The following STAP1 variants were observed in gnomAD, a reference collection of about 807,000 sequenced individuals.
STAP1 encodes the protein signal transducing adaptor family member 1.
STAP1 carries 30 observed loss-of-function variants against 37.8 expected under a neutral mutation model. The ratio of observed to expected loss-of-function variants is 0.79; its 90% confidence interval spans 0.59 to 1.08. The LOEUF (loss-of-function observed/expected upper bound fraction) is 1.08. Among genes scored for constraint, STAP1 ranks in the 50% least tolerant of loss-of-function variants. The probability of loss-of-function intolerance (pLI) is 0.00; values close to 1 mark genes in which losing one functional copy is unlikely to be tolerated. For synonymous variants in STAP1, 130 were observed against 116.0 expected (o/e 1.12, Z -0.78); for missense variants, 357 against 349.4 (o/e 1.02, Z -0.17).
chr4:67,606,081 G>A (rs974115887), intron 8 of STAP1, among the ~76,000 whole-genome samples: 7 of 151,734 alleles, frequency 4.6e-5, no homozygotes, highest in Non-Finnish European at 7.4e-5. Flanking sequence ...AAGCTAAAGA[G>A]GAAGAAAAAA....
intron 6 of STAP1, among the ~76,000 whole-genome samples, chr4:67,584,958 A>G (rs966294031): frequency 1.3e-5 from 2 of 152,236 alleles, no homozygotes; most frequent in African/African-American, 4.8e-5. Flanking sequence ...AAAATGGTCT[A>G]ACTTTGATAA....
Position 67,583,522 on chromosome 4 carries a change from T to C in STAP1, c.531-52T>C, listed in dbSNP as rs1380019240. 3.3e-6 allele frequency: 5 copies of C among 1,521,180 alleles called. No individual in the cohort carries two copies. The African/African-American group carries it at 7.0e-5, about 21-fold the overall frequency. The allele number at this position is 1,521,180 out of a possible 1,614,324, so 94.2% of individuals were successfully genotyped here. ...TTTTGGTAGTATTTTTTTCAAGTAA[T>C]GATCTTCATCAGTTAAAAAAACAAT... is the stretch of plus-strand genomic sequence containing the variant. On this transcript the variant is annotated intron_variant, in intron 5 of 8. Transcript: ENST00000265404.
rs146545610 is a variant in STAP1, at chr4:67,583,662, G to A, written c.619G>A (p.Asp207Asn). ...LGNMILRPGS[D>N]SRNYSITIRQ... ...AAATATGATCCTGAGGCCTGGTAGT[G>A]ACAGTAGAAACTACTCCATCACTAT... Residue 207 changes from aspartate (D) to asparagine (N), a missense_variant, in exon 6 of 9, where the codon GAC (aspartate) becomes AAC (asparagine). Asp to Asn is a conservative substitution (Grantham distance 23, BLOSUM62 1). Transcript: ENST00000265404. 559 of 1,613,908 alleles carry A rather than the reference G, an allele frequency of 3.5e-4. 1 individual carries two copies. Among genetic ancestry groups the A allele is most frequent in the Middle Eastern group, 1.6e-3 (10 of 6,062 alleles).
intron 8 of STAP1, among the ~76,000 whole-genome samples, chr4:67,601,416 TTC>T (rs1473269702): frequency 2.0e-5 from 3 of 152,214 alleles, no homozygotes; most frequent in African/African-American, 4.8e-5. Flanking sequence ...TGTTATAATA[TTC>T]TGTTTTGTCT....
At chr4:67,563,346 T>C (rs1727394364) in intron 1 of STAP1, among the ~76,000 whole-genome samples, 1 of 152,222 alleles carries the variant, frequency 6.6e-6, no homozygotes, top group South Asian at 2.1e-4. Flanking sequence ...TCTAGGCTCT[T>C]AGTGTTCTGT....
Position 67,558,900 on chromosome 4 carries a change from T to A in STAP1, c.91T>A (p.Phe31Ile). The change falls in exon 1 of 9, where the codon TTT (phenylalanine) becomes ATT (isoleucine). Residue 31 changes from phenylalanine to isoleucine, a missense_variant. Phe to Ile is a conservative substitution (Grantham distance 21). Coordinates refer to ENST00000265404, the MANE Select transcript of STAP1 (RefSeq NM_012108.4). ...TGCTCTACCTTTGTACTTTGAAGGTTTTTTATTAATCAAGCGGTCAGGATA... is the reference window on the plus strand; with the variant it reads ...TGCTCTACCTTTGTACTTTGAAGGTATTTTATTAATCAAGCGGTCAGGATA... ...ITALPLYFEG[F>I]LLIKRSGYRE... 6.2e-7 allele frequency: 1 copy of A among 1,613,182 alleles called. No individual in the cohort carries two copies.
intron 2 of STAP1, among the ~76,000 whole-genome samples, chr4:67,572,442 T>C (rs1211442759): frequency 6.6e-6 from 1 of 152,132 alleles, no homozygotes; most frequent in Non-Finnish European, 1.5e-5. Context: ...AGGGAGCAAC[T>C]GCTTATGGTA....
chr4:67,588,892 A>G (rs1728059442), intron 6 of STAP1, among the ~76,000 whole-genome samples: 2 of 152,264 alleles, frequency 1.3e-5, no homozygotes, highest in Admixed American at 1.3e-4. Context: ...CATTAAAACA[A>G]TACATTTAAG....
chr4:67,598,476 A>G (rs112353212), intron 8 of STAP1, among the ~76,000 whole-genome samples: 1,678 of 152,210 alleles, frequency 0.011, 13 homozygotes, highest in Middle Eastern at 0.027. Flanking sequence ...GCCATTTTAA[A>G]TGGGGTGAGA....
At position 67,589,879 on chromosome 4, in the gene STAP1, A is replaced by C. The variant is rs148317431; in HGVS notation, c.660-1005A>C. 4.0e-3 allele frequency among the ~76,000 whole-genome samples: 602 copies of C among 151,704 alleles called. 4 individuals carry two copies. Among genetic ancestry groups the C allele is most frequent in the African/African-American group, 0.014 (581 of 41,330 alleles). Reference sequence around the variant, plus strand: ...GAATGCAGCGGCACCATCATAGCTCACTGCAGCCTCAATCTCCTGGATGCA... The same window carrying C: ...GAATGCAGCGGCACCATCATAGCTCCCTGCAGCCTCAATCTCCTGGATGCA... On this transcript the variant is annotated intron_variant, in intron 6 of 8. Coordinates refer to ENST00000265404, the MANE Select transcript of STAP1 (RefSeq NM_012108.4).
chr4:67,594,550 T>C (rs1205475576), intron 8 of STAP1, among the ~76,000 whole-genome samples: 1 of 152,094 alleles, frequency 6.6e-6, no homozygotes, highest in East Asian at 1.9e-4. Context: ...TAGAGAATTC[T>C]TCCTTGATAT....
chr4:67,598,793 T>C (rs1728277089), intron 8 of STAP1, among the ~76,000 whole-genome samples: 1 of 152,172 alleles, frequency 6.6e-6, no homozygotes, highest in Admixed American at 6.5e-5. Context: ...TGCGATCCCA[T>C]TTGTTTATTT....
chr4:67,558,894 G>T lies in STAP1; in HGVS notation c.85G>T (p.Glu29Ter). ...LKITALPLYF[E>*]GFLLIKRSGY... ...GATTACTGCTCTACCTTTGTACTTT[G>T]AAGGTTTTTTATTAATCAAGCGGTC... The change falls in exon 1 of 9, where the codon GAA becomes TAA. Residue 29 changes from glutamate (E) to a stop codon, truncating the protein, a stop_gained. Transcript: ENST00000265404. LOFTEE classifies it high-confidence loss of function. 6.2e-7 allele frequency: 1 copy of T among 1,613,142 alleles called. No individual in the cohort carries two copies. Among genetic ancestry groups the T allele is most frequent in the East Asian group, 2.2e-5 (1 of 44,862 alleles).
chr4:67,599,266 T>A (rs537844649), intron 8 of STAP1, among the ~76,000 whole-genome samples: 1 of 152,354 alleles, frequency 6.6e-6, no homozygotes, highest in East Asian at 1.9e-4. Context: ...ATTTTTTGAA[T>A]CATCTTAGTA....
intron 8 of STAP1, among the ~76,000 whole-genome samples, chr4:67,604,124 T>C (rs935896550): frequency 2.0e-5 from 3 of 152,228 alleles, no homozygotes; most frequent in African/African-American, 7.2e-5. Context: ...AATTCTGCCC[T>C]GTGTTGCTTT....
intron 4 of STAP1, among the ~76,000 whole-genome samples, chr4:67,580,946 G>A (rs1326459558): frequency 6.6e-6 from 1 of 152,190 alleles, no homozygotes; most frequent in Non-Finnish European, 1.5e-5. Flanking sequence ...TACCTTGAAG[G>A]TGTTCTGGAA....
intron 2 of STAP1, among the ~76,000 whole-genome samples, chr4:67,572,170 C>T (rs1727620155): frequency 6.6e-6 from 1 of 152,130 alleles, no homozygotes; most frequent in South Asian, 2.1e-4. Flanking sequence ...AGTTACCCCA[C>T]CTCTCTGTGT....
At chr4:67,598,872 T>C (rs1433574207) in intron 8 of STAP1, among the ~76,000 whole-genome samples, 2 of 152,240 alleles carry the variant, frequency 1.3e-5, no homozygotes, top group African/African-American at 4.8e-5. Context: ...TTGGAGAGTT[T>C]TCCCAATGTT....
At chr4:67,599,464 A>G (rs933546738) in intron 8 of STAP1, among the ~76,000 whole-genome samples, 6 of 151,682 alleles carry the variant, frequency 4.0e-5, no homozygotes, top group African/African-American at 1.5e-4. Flanking sequence ...AAATTTATCT[A>G]TTTCTTCTCA....
Sources: allele counts gnomAD v4.1 joint callset (sites outside exome capture counted in the v4.1 genomes callset), GRCh38; gene constraint gnomAD v4.1.1; transcripts MANE v1.5; gene names NCBI Gene and HGNC (gene_info 2026-07-23, HGNC 2026-07-21).